The following SPPL2A variants were observed in gnomAD, a reference collection of about 807,000 sequenced individuals.
SPPL2A encodes signal peptide peptidase-like 2A.
A neutral mutation model predicts 63.8 loss-of-function variants in SPPL2A; 51 were observed. The observed-to-expected ratio is 0.80, with a 90% confidence interval of 0.64 to 1.01. SPPL2A has a LOEUF of 1.01. SPPL2A is among the 50% of genes least tolerant of loss of function. The pLI is 0.00. For missense variants in SPPL2A, 553 were observed against 622.7 expected (o/e 0.89, Z 1.19); for synonymous variants, 188 against 205.8 (o/e 0.91, Z 0.74).
intron 14 of SPPL2A, among the ~76,000 whole-genome samples, chr15:50,712,675 C>G (rs1249080292): frequency 1.5e-5 from 2 of 134,152 alleles, no homozygotes; most frequent in Non-Finnish European, 3.3e-5. Context: ...CTCCCTCCCC[C>G]CCCCTTTTTT....
intron 13 of SPPL2A, among the ~76,000 whole-genome samples, chr15:50,720,521 T>TC (rs2078671192): frequency 6.7e-6 from 1 of 149,274 alleles, no homozygotes; most frequent in African/African-American, 2.5e-5. Context: ...ACTTTTCTTT[T>TC]TTTTTTTTTT....
At chr15:50,729,878 G>A (rs1186459133) in intron 10 of SPPL2A, among the ~76,000 whole-genome samples, 3 of 151,942 alleles carry the variant, frequency 2.0e-5, no homozygotes, top group African/African-American at 7.2e-5. Flanking sequence ...GCTCATGCCT[G>A]TAATCCCAAT....
intron 8 of SPPL2A, among the ~76,000 whole-genome samples, chr15:50,733,955 A>C (rs1367828010): frequency 6.6e-6 from 1 of 152,218 alleles, no homozygotes; most frequent in Non-Finnish European, 1.5e-5. Context: ...AATTAGAGAA[A>C]TGTAAATCAA....
At position 50,707,558 on chromosome 15, in the gene SPPL2A, T is replaced by C; in HGVS notation, c.*242A>G. On this transcript the variant is annotated 3_prime_UTR_variant, in exon 15 of 15. Coordinates refer to ENST00000261854, the MANE Select transcript of SPPL2A (RefSeq NM_032802.4). ...TTTTTTTTTAGAAAAATATACTGTATATAGTACATCTCGGAAACTACACAG... is the reference window on the plus strand; with the variant it reads ...TTTTTTTTTAGAAAAATATACTGTACATAGTACATCTCGGAAACTACACAG... 2.2e-6 allele frequency: 1 copy of C among 450,176 alleles called. No homozygotes were observed. The highest frequency in any genetic ancestry group is 3.6e-5 in the East Asian group (1 of 27,582). 27.9% of individuals were successfully genotyped at this position (450,176 alleles called of 1,614,324 possible).
At chr15:50,761,371 T>C (rs2063010182) in intron 1 of SPPL2A, among the ~76,000 whole-genome samples, 1 of 152,038 alleles carries the variant, frequency 6.6e-6, no homozygotes, top group South Asian at 2.1e-4. Context: ...AACCCCACAC[T>C]TTGGGAGGAT....
In SPPL2A at chr15:50,736,794, A is replaced by T; in HGVS notation, c.734-54T>A. ...GAGAACAGAAGGAAAGGTGATAAGA[A>T]AATATTTATACAAGCAATATTAATT... On this transcript the variant is annotated intron_variant, in intron 6 of 14. Transcript: ENST00000261854. 3 of 858,566 alleles carry T rather than the reference A, an allele frequency of 3.5e-6. No homozygotes were observed. In the South Asian group the frequency reaches 4.3e-5, roughly 12 times the overall value. 53.2% of individuals were successfully genotyped at this position (858,566 alleles called of 1,614,324 possible). A position where few individuals can be genotyped will look rare whatever the true frequency, so the allele number is the denominator to read the frequency against.
chr15:50,710,381 T>TA (rs1212877804), intron 14 of SPPL2A, among the ~76,000 whole-genome samples: 2 of 152,096 alleles, frequency 1.3e-5, no homozygotes, highest in Non-Finnish European at 2.9e-5. Flanking sequence ...ATATATTAAT[T>TA]AAAAAAACCA....
At chr15:50,734,710 C>G (rs2062756808) in intron 8 of SPPL2A, among the ~76,000 whole-genome samples, 1 of 152,034 alleles carries the variant, frequency 6.6e-6, no homozygotes, top group African/African-American at 2.4e-5. Flanking sequence ...ATGACAAAGG[C>G]TTGAGGTGAT....
intron 14 of SPPL2A, among the ~76,000 whole-genome samples, chr15:50,715,937 T>C (rs2062595961): frequency 6.6e-6 from 1 of 152,098 alleles, no homozygotes; most frequent in South Asian, 2.1e-4. Context: ...AAGTATGATA[T>C]ATGCATATAA....
chr15:50,757,089 CTT>C (rs57100103), intron 1 of SPPL2A, among the ~76,000 whole-genome samples: 1 of 128,356 alleles, frequency 7.8e-6, no homozygotes, highest in Non-Finnish European at 1.6e-5. Context: ...TAAATCCTTT[CTT>C]TTTTTTTTTG....
chr15:50,716,915 T>G (rs2062603212), intron 14 of SPPL2A, among the ~76,000 whole-genome samples: 1 of 152,204 alleles, frequency 6.6e-6, no homozygotes, highest in Non-Finnish European at 1.5e-5. Flanking sequence ...ATTATTTCTC[T>G]CTTTGTGGTG....
At chr15:50,723,075 A>C (rs1487436032) in intron 12 of SPPL2A, among the ~76,000 whole-genome samples, 1 of 152,224 alleles carries the variant, frequency 6.6e-6, no homozygotes, top group African/African-American at 2.4e-5. Flanking sequence ...CAAAATCACT[A>C]ATCATCAGAA....
chr15:50,732,262 T>G (rs185777794), intron 9 of SPPL2A, among the ~76,000 whole-genome samples: 1 of 152,040 alleles, frequency 6.6e-6, no homozygotes, highest in East Asian at 1.9e-4. Context: ...ACTATAAGCC[T>G]CATCACTACC....
chr15:50,729,296 A>AT (rs2062712514), intron 10 of SPPL2A, among the ~76,000 whole-genome samples: 2 of 152,160 alleles, frequency 1.3e-5, no homozygotes, highest in South Asian at 2.1e-4. Context: ...AGTTCTATGA[A>AT]TTTTTCTTTT....
At chr15:50,718,443 G>A (rs1174225595) in intron 14 of SPPL2A, among the ~76,000 whole-genome samples, 2 of 152,072 alleles carry the variant, frequency 1.3e-5, no homozygotes, top group Admixed American at 1.3e-4. Context: ...TTTGAGATGT[G>A]ATTTTTAGAT....
intron 1 of SPPL2A, among the ~76,000 whole-genome samples, chr15:50,759,365 G>A (rs1466598933): frequency 6.6e-6 from 1 of 152,144 alleles, no homozygotes; most frequent in Non-Finnish European, 1.5e-5. Flanking sequence ...AGGACTGTTT[G>A]AACCCTGGAG....
chr15:50,743,913 A>G (rs62018806), intron 5 of SPPL2A, among the ~76,000 whole-genome samples: 1 of 152,024 alleles, frequency 6.6e-6, no homozygotes, highest in East Asian at 1.9e-4. Flanking sequence ...AGTGGCTCAC[A>G]CCTGTAATCC....
chr15:50,732,369 T>C (rs1349920165), intron 9 of SPPL2A, among the ~76,000 whole-genome samples: 1 of 151,964 alleles, frequency 6.6e-6, no homozygotes, highest in Non-Finnish European at 1.5e-5. Flanking sequence ...AAATCAGTGG[T>C]TGTCTGGGCC....
chr15:50,739,790 A>G lies in SPPL2A; in HGVS notation c.623T>C (p.Met208Thr), dbSNP rs1250635471. Residue 208 changes from methionine (M) to threonine (T), a missense_variant, in exon 6 of 15, where the codon ATG (methionine) becomes ACG (threonine). Transcript: ENST00000261854. ...LKAVTTEDRE[M>T]RKKKEEYLTF... ...TAAATATTCTTCCTTCTTTTTCCTCATTTCTCTATCTTCAGTTGTCACTGC... is the reference window on the plus strand; with the variant it reads ...TAAATATTCTTCCTTCTTTTTCCTCGTTTCTCTATCTTCAGTTGTCACTGC... 3.1e-6 allele frequency: 5 copies of G among 1,605,948 alleles called. No homozygotes were observed. Among genetic ancestry groups the G allele is most frequent in the South Asian group, 1.1e-5 (1 of 89,578 alleles).
Sources: gnomAD v4.1 joint callset for allele counts (sites outside exome capture counted in the v4.1 genomes callset) on GRCh38, gnomAD v4.1.1 for gene constraint, MANE v1.5 for transcripts, NCBI Gene and HGNC (gene_info 2026-07-23, HGNC 2026-07-21) for gene names.